NTM: variants seen among roughly 807,000 people sequenced by gnomAD.
The protein encoded by NTM is neurotrimin, also known as IgLON family member 2.
A neutral mutation model predicts 42.1 loss-of-function variants in NTM; 13 were observed. That is an observed-to-expected ratio of 0.31 (90% CI 0.20 to 0.49). The LOEUF (loss-of-function observed/expected upper bound fraction) is 0.49. NTM is among the 20% of genes least tolerant of loss of function. The pLI, the probability that NTM is intolerant of heterozygous loss-of-function variation, is 0.99. For missense variants in NTM, 373 were observed against 452.8 expected (o/e 0.82, Z 1.60); for synonymous variants, 187 against 179.2 (o/e 1.04, Z -0.35).
At chr11:131,996,384 G>A (rs1025887526) in intron 2 of NTM, among the ~76,000 whole-genome samples, 5 of 152,240 alleles carry the variant, frequency 3.3e-5, no homozygotes, top group African/African-American at 1.2e-4. Flanking sequence ...AGATGGACGC[G>A]CTAGGCATAA....
chr11:132,202,212 C>A (rs1355812164), intron 3 of NTM, among the ~76,000 whole-genome samples: 1 of 152,012 alleles, frequency 6.6e-6, no homozygotes, highest in African/African-American at 2.4e-5. Context: ...ACTTGTGTAA[C>A]CTCTCCAAGC....
At chr11:131,802,685 C>T (rs2092222529) in intron 1 of NTM, among the ~76,000 whole-genome samples, 1 of 152,220 alleles carries the variant, frequency 6.6e-6, no homozygotes, top group Non-Finnish European at 1.5e-5. Flanking sequence ...GTGCAGAAAG[C>T]TGTGGCTCCT....
intron 1 of NTM, among the ~76,000 whole-genome samples, chr11:131,831,204 C>G (rs1261349730): frequency 6.6e-6 from 1 of 152,024 alleles, no homozygotes; most frequent in African/African-American, 2.4e-5. Context: ...CTGGGACTCA[C>G]TTTTAAAATT....
Position 131,789,445 on chromosome 11 carries a change from G to GA in NTM, c.83-122117dup, listed in dbSNP as rs2089910584. Reference sequence around the variant, plus strand: ...AAAGAAGAAGGAAGAAGAAGAAGAAGAAGAAGAAGAAGAAGAAGAAGAAGA... The same window carrying GA: ...AAAGAAGAAGGAAGAAGAAGAAGAAGAAAGAAGAAGAAGAAGAAGAAGAAGA... On this transcript the variant is annotated intron_variant, in intron 1 of 8. Transcript: ENST00000683400. Among the ~76,000 whole-genome samples the GA allele has an allele frequency of 3.9e-4, 4 of 10,208 alleles. 1 individual carries two copies. The highest frequency in any genetic ancestry group is 1.4e-3 in the Admixed American group (1 of 720). The allele number at this position is 10,208 out of a possible 152,430, so 6.7% of individuals were successfully genotyped here.
intron 1 of NTM, among the ~76,000 whole-genome samples, chr11:131,881,400 G>T (rs918379526): frequency 1.3e-5 from 2 of 151,542 alleles, no homozygotes; most frequent in African/African-American, 4.9e-5. Context: ...TAATGATCGG[G>T]GTCATTGACT....
At chr11:131,672,560 A>T (rs569162595) in intron 1 of NTM, among the ~76,000 whole-genome samples, 3 of 152,128 alleles carry the variant, frequency 2.0e-5, no homozygotes, top group Non-Finnish European at 4.4e-5. Context: ...CACCCATCAG[A>T]CCAGGCTCAA....
intron 2 of NTM, among the ~76,000 whole-genome samples, chr11:132,045,705 G>T (rs926664008): frequency 6.6e-6 from 1 of 152,188 alleles, no homozygotes; most frequent in Non-Finnish European, 1.5e-5. Context: ...CTCAGCATCA[G>T]TCAATAGCAG....
intron 1 of NTM, among the ~76,000 whole-genome samples, chr11:131,410,500 A>C (rs975829826): frequency 6.2e-5 from 9 of 145,784 alleles, no homozygotes; most frequent in African/African-American, 2.0e-4. Context: ...CTCAGAAACA[A>C]ACAAACAAAC....
At chr11:131,436,791 T>C (rs1949172815) in intron 1 of NTM, among the ~76,000 whole-genome samples, 2 of 152,224 alleles carry the variant, frequency 1.3e-5, no homozygotes, top group South Asian at 4.1e-4. Flanking sequence ...CCTTCAGTTC[T>C]GCTCTGATCT....
At chr11:131,585,205 T>A (rs956279284) in intron 1 of NTM, among the ~76,000 whole-genome samples, 3 of 152,182 alleles carry the variant, frequency 2.0e-5, no homozygotes, top group African/African-American at 7.2e-5. Context: ...GTTAGTGACT[T>A]TCTTTTTGGA....
At chr11:131,473,372 C>T (rs1234697953) in intron 1 of NTM, among the ~76,000 whole-genome samples, 1 of 152,136 alleles carries the variant, frequency 6.6e-6, no homozygotes, top group African/African-American at 2.4e-5. Flanking sequence ...ATGTATGGAT[C>T]CTGATGGGGA....
chr11:131,956,765 C>T (rs896637205), intron 2 of NTM, among the ~76,000 whole-genome samples: 3 of 152,098 alleles, frequency 2.0e-5, no homozygotes, highest in East Asian at 1.9e-4. Flanking sequence ...GAGTCAATGG[C>T]CTTCCTCTTC....
At chr11:132,214,341 G>A (rs1396570489) in intron 4 of NTM, among the ~76,000 whole-genome samples, 5 of 152,050 alleles carry the variant, frequency 3.3e-5, no homozygotes, top group Non-Finnish European at 7.3e-5. Flanking sequence ...TTTATCATCA[G>A]GGTAAGCTTC....
chr11:131,388,093 T>C (rs1308121299), intron 1 of NTM, among the ~76,000 whole-genome samples: 1 of 152,152 alleles, frequency 6.6e-6, no homozygotes, highest in Non-Finnish European at 1.5e-5. Flanking sequence ...GGGAGCTCTT[T>C]CTGGAAGGGC....
At chr11:132,207,161 C>G (rs895070820) in intron 3 of NTM, among the ~76,000 whole-genome samples, 4 of 152,280 alleles carry the variant, frequency 2.6e-5, no homozygotes, top group African/African-American at 9.6e-5. Flanking sequence ...CTGTTAGGAA[C>G]CAGGCCACAC....
At chr11:131,564,105 C>A (rs1374654055) in intron 1 of NTM, among the ~76,000 whole-genome samples, 1 of 152,112 alleles carries the variant, frequency 6.6e-6, no homozygotes, top group African/African-American at 2.4e-5. Context: ...GCTTTCTCTG[C>A]CAGTGGTTTA....
intron 1 of NTM, among the ~76,000 whole-genome samples, chr11:131,386,415 T>A (rs1024199256): frequency 1.3e-5 from 2 of 152,242 alleles, no homozygotes; most frequent in African/African-American, 4.8e-5. Context: ...ATACTCAATG[T>A]CACTTAATGG....
At position 131,733,451 on chromosome 11, in the gene NTM, CTTCCTTCCTTCT is replaced by C. The variant is rs1484593667; in HGVS notation, c.83-178101_83-178090del. On this transcript the variant is annotated intron_variant, in intron 1 of 8. Transcript: ENST00000683400. ...TTTATTGTAAAATGTCTTTTCCTTC[CTTCCTTCCTTCT>C]TTCCTTCCTTCCTTCCTTCCTTCCT... Among the ~76,000 whole-genome samples, 1,132 of 136,300 alleles carry C rather than the reference CTTCCTTCCTTCT, an allele frequency of 8.3e-3. 3 individuals carry two copies. Among genetic ancestry groups the C allele is most frequent in the Middle Eastern group, 0.016 (4 of 256 alleles). The allele number at this position is 136,300 out of a possible 152,430, so 89.4% of individuals were successfully genotyped here. A position where few individuals can be genotyped will look rare whatever the true frequency, so the allele number is the denominator to read the frequency against.
chr11:131,435,193 C>A (rs1185692038), intron 1 of NTM, among the ~76,000 whole-genome samples: 2 of 152,104 alleles, frequency 1.3e-5, no homozygotes, highest in Non-Finnish European at 2.9e-5. Context: ...GTTACTGTAG[C>A]CTTGTATTAT....
Sources: allele counts gnomAD v4.1 joint callset (sites outside exome capture counted in the v4.1 genomes callset), GRCh38; gene constraint gnomAD v4.1.1; transcripts MANE v1.5; gene names NCBI Gene and HGNC (gene_info 2026-07-23, HGNC 2026-07-21).